The following TAOK3 variants were observed in gnomAD, a reference collection of about 807,000 sequenced individuals.
The protein encoded by TAOK3 is serine/threonine-protein kinase TAO3.
In TAOK3, 40 loss-of-function variants were observed where a neutral mutation model predicts 120.4. The observed-to-expected ratio is 0.33, with a 90% CI of 0.26 to 0.43. The LOEUF (loss-of-function observed/expected upper bound fraction) is 0.43. TAOK3 is among the 20% of genes least tolerant of loss of function. The pLI is 1.00. For synonymous variants in TAOK3, 355 were observed against 387.5 expected, an observed-to-expected ratio of 0.92 and a Z score of 0.99; for missense variants, 821 against 1,112.1, an observed-to-expected ratio of 0.74 and a Z score of 3.72.
chr12:118,307,320 C>T (rs745404349), intron 1 of TAOK3, among the ~76,000 whole-genome samples: 15 of 151,992 alleles, frequency 9.9e-5, no homozygotes, highest in Non-Finnish European at 1.8e-4. Flanking sequence ...CTAACTCTGA[C>T]CTTAGGCTCC....
At chr12:118,338,628 A>G (rs1273549225) in intron 1 of TAOK3, among the ~76,000 whole-genome samples, 1 of 151,962 alleles carries the variant, frequency 6.6e-6, no homozygotes, top group African/African-American at 2.4e-5. Flanking sequence ...TCTACTAAAA[A>G]TACAAAAATT....
chr12:118,224,617 C>T (rs2039413335), intron 9 of TAOK3, among the ~76,000 whole-genome samples: 1 of 152,180 alleles, frequency 6.6e-6, no homozygotes, highest in Non-Finnish European at 1.5e-5. Flanking sequence ...TATCTGGTGA[C>T]TGGACAATTT....
chr12:118,186,606 G>A (rs1311591468), intron 14 of TAOK3, among the ~76,000 whole-genome samples: 1 of 152,042 alleles, frequency 6.6e-6, no homozygotes, highest in Non-Finnish European at 1.5e-5. Context: ...GATAACACAT[G>A]AGCCCAATAT....
intron 1 of TAOK3, among the ~76,000 whole-genome samples, chr12:118,332,676 G>A (rs546173451): frequency 1.7e-4 from 26 of 152,294 alleles, no homozygotes; most frequent in Admixed American, 1.3e-4. Context: ...TCCCGACTGC[G>A]GGATGACATA....
chr12:118,360,525 G>A (rs1406301544), intron 1 of TAOK3, among the ~76,000 whole-genome samples: 1 of 133,750 alleles, frequency 7.5e-6, no homozygotes, highest in African/African-American at 2.9e-5. Context: ...CCAAGATCGC[G>A]CCACTGGACT....
chr12:118,289,135 T>C (rs1593424525), intron 1 of TAOK3, among the ~76,000 whole-genome samples: 1 of 151,242 alleles, frequency 6.6e-6, no homozygotes, highest in Admixed American at 6.6e-5. Context: ...ACCCTGTCTC[T>C]ACTAAAAATA....
At chr12:118,244,553 G>C (rs1325517503) in intron 4 of TAOK3, among the ~76,000 whole-genome samples, 2 of 121,622 alleles carry the variant, frequency 1.6e-5, no homozygotes, top group Non-Finnish European at 3.3e-5. Flanking sequence ...TTTTGAGACA[G>C]AGCCTCGCTC....
chr12:118,191,029 C>T (rs2037406385), intron 13 of TAOK3, among the ~76,000 whole-genome samples: 1 of 152,090 alleles, frequency 6.6e-6, no homozygotes, highest in Admixed American at 6.5e-5. Flanking sequence ...TTTAGGAAAA[C>T]CATTTGTGAG....
chr12:118,201,446 T>G lies in TAOK3; in HGVS notation c.837A>C (p.Arg279=). ...AELLRHDFVR[R]DRPLRVLIDL... is the part of the protein sequence containing the mutation. The stretch of plus-strand genomic sequence containing the variant: ...CAATGAGGACACGTAGTGGCCGGTC[T>G]CGTCGAACAAAGTCATGCTGATTGA... The change falls in exon 12 of 21, where the codon CGA becomes CGC. Residue 279 remains arginine (R), a synonymous_variant. Transcript: ENST00000392533. 1.2e-6 allele frequency: 2 copies of G among 1,610,972 alleles called. No homozygotes were observed. Among genetic ancestry groups the G allele is most frequent in the Non-Finnish European group, 1.7e-6 (2 of 1,178,812 alleles).
intron 1 of TAOK3, among the ~76,000 whole-genome samples, chr12:118,291,071 G>C (rs1332109394): frequency 6.6e-6 from 1 of 151,734 alleles, no homozygotes; most frequent in East Asian, 1.9e-4. Flanking sequence ...GGCCAGGCTG[G>C]TCTTGAACTC....
intron 1 of TAOK3, among the ~76,000 whole-genome samples, chr12:118,270,820 G>A (rs1388143704): frequency 2.0e-5 from 3 of 151,812 alleles, no homozygotes; most frequent in South Asian, 2.1e-4. Context: ...GACTACAGGC[G>A]CCCGCCACCA....
intron 1 of TAOK3, among the ~76,000 whole-genome samples, chr12:118,352,499 T>C (rs1164570552): frequency 2.0e-5 from 3 of 149,832 alleles, no homozygotes; most frequent in Non-Finnish European, 4.4e-5. Context: ...AGCGAGACTC[T>C]GTCTCAAAAA....
rs1477134229 is a variant in TAOK3 at position 118,325,496 on chromosome 12, T to TC, written c.-194+47151dup. 2.0e-5 allele frequency among the ~76,000 whole-genome samples: 3 copies of TC among 152,230 alleles called. No individual in the cohort carries two copies. The East Asian group carries it at 5.8e-4, about 29-fold the overall frequency. On this transcript the variant is annotated intron_variant, in intron 1 of 20. Coordinates refer to ENST00000392533, the MANE Select transcript of TAOK3 (RefSeq NM_016281.4). ...TTGATTAATGATGCTGGGCATTTTT[T>TC]CATATACCTGTTGGCCATTTTTATG...
chr12:118,244,731 T>C (rs1325556654), intron 4 of TAOK3, among the ~76,000 whole-genome samples, 163 bp downstream of exon 4: 1 of 152,016 alleles, frequency 6.6e-6, no homozygotes, highest in African/African-American at 2.4e-5. Flanking sequence ...GGTTTCATCA[T>C]GTTAGCCAGG....
chr12:118,282,710 G>C (rs972301418), intron 1 of TAOK3, among the ~76,000 whole-genome samples: 1 of 152,122 alleles, frequency 6.6e-6, no homozygotes, highest in Non-Finnish European at 1.5e-5. Flanking sequence ...ATCATCATTC[G>C]ATTCTGCTCT....
intron 1 of TAOK3, among the ~76,000 whole-genome samples, chr12:118,338,909 A>T (rs183113937): frequency 2.6e-5 from 4 of 151,236 alleles, no homozygotes; most frequent in African/African-American, 9.7e-5. Context: ...AAGATAGGAG[A>T]TGGGAAGTGG....
chr12:118,151,025 A>G lies in TAOK3; in HGVS notation c.2669T>C (p.Leu890Ser), dbSNP rs1464175261. The change falls in exon 21 of 21, where the codon TTA (leucine) becomes TCA (serine). Residue 890 changes from leucine to serine, a missense_variant. Coordinates refer to ENST00000392533, the MANE Select transcript of TAOK3 (RefSeq NM_016281.4). ...LRMGFGNLVTLDFPKEDYR is the reference protein window; with the variant it reads ...LRMGFGNLVTSDFPKEDYR ...TCTGTAGTCCTCCTTAGGAAAATCT[A>G]ATGTAACCAAATTCCCAAATCCCAT... 1.2e-6 allele frequency: 2 copies of G among 1,608,910 alleles called. No homozygotes were observed. Among genetic ancestry groups the G allele is most frequent in the Non-Finnish European group, 1.7e-6 (2 of 1,179,496 alleles).
chr12:118,254,380 C>T (rs374524520), intron 3 of TAOK3, among the ~76,000 whole-genome samples: 14 of 152,150 alleles, frequency 9.2e-5, no homozygotes, highest in African/African-American at 3.4e-4. Flanking sequence ...CAGGCATATA[C>T]TAGTTCTTGA....
chr12:118,262,481 C>T (rs1380651766), intron 2 of TAOK3, among the ~76,000 whole-genome samples: 1 of 151,564 alleles, frequency 6.6e-6, no homozygotes, highest in Admixed American at 6.6e-5. Context: ...GACTCCATCT[C>T]AAAGAGAAAG....
Sources: allele counts gnomAD v4.1 joint callset (sites outside exome capture counted in the v4.1 genomes callset), GRCh38; gene constraint gnomAD v4.1.1; transcripts MANE v1.5; gene names NCBI Gene and HGNC (gene_info 2026-07-23, HGNC 2026-07-21).